Variants in NSD3 observed in about 807,000 individuals in gnomAD.
The protein encoded by NSD3 is histone-lysine N-methyltransferase NSD3.
NSD3 carries 24 observed loss-of-function variants against 160.8 expected under a neutral mutation model. The observed-to-expected ratio is 0.15, with a 90% CI of 0.11 to 0.21. The LOEUF (loss-of-function observed/expected upper bound fraction) is 0.21, where lower values mean the gene tolerates loss of function less well. NSD3 is among the 10% of genes least tolerant of loss of function. The pLI, the probability that NSD3 is intolerant of heterozygous loss-of-function variation, is 1.00. For synonymous variants in NSD3, 520 were observed against 600.0 expected (o/e 0.87, Z 1.95); for missense variants, 1,157 against 1,735.9 (o/e 0.67, Z 5.93).
At chr8:38,336,255 GAAGT>G (rs1304216448) in intron 4 of NSD3, 9 of 152,206 alleles carry the variant, frequency 5.9e-5, no homozygotes. Flanking sequence ...TTAACACCCA[GAAGT>G]AAGTTCCAAG....
At position 38,356,147 on chromosome 8, in the gene NSD3, CCA is replaced by C. The variant is rs1484109386; in HGVS notation, c.-44-7934_-44-7933del. Among the ~76,000 whole-genome samples the C allele has an allele frequency of 1.4e-4, 22 of 152,248 alleles. 1 individual carries two copies. Among genetic ancestry groups the C allele is most frequent in the Middle Eastern group, 6.8e-3 (2 of 294 alleles). On this transcript the variant is annotated intron_variant, in intron 1 of 23. Coordinates refer to ENST00000317025, the MANE Select transcript of NSD3 (RefSeq NM_023034.2). ...ATGTACTTTCAAGTAAATGAAATCA[CCA>C]CACAAAAACATTTCTGATAAATTCA... is the stretch of plus-strand genomic sequence containing the variant.
At position 38,318,994 on chromosome 8, in the gene NSD3, A is replaced by G; in HGVS notation, c.1810-54T>C. The G allele has an allele frequency of 2.8e-6, 4 of 1,451,996 alleles. No homozygotes were observed. Among genetic ancestry groups the G allele is most frequent in the Non-Finnish European group, 3.8e-6 (4 of 1,051,558 alleles). The allele number at this position is 1,451,996 out of a possible 1,614,324, so 89.9% of individuals were successfully genotyped here. A position where few individuals can be genotyped will look rare whatever the true frequency, so the allele number is the denominator to read the frequency against. ...CAAAGAATTTTTTTCCCTTTTAATTATTAACAGAGGGAAAAGATACTTTCA... is the reference window on the plus strand; with the variant it reads ...CAAAGAATTTTTTTCCCTTTTAATTGTTAACAGAGGGAAAAGATACTTTCA... On this transcript the variant is annotated intron_variant, in intron 8 of 23. Coordinates refer to ENST00000317025, the MANE Select transcript of NSD3 (RefSeq NM_023034.2). The surrounding 1 kb of genome is among the most constrained non-coding windows in gnomAD (Gnocchi z 5.3).
chr8:38,380,806 C>T (rs1044326053), intron 1 of NSD3: 1 of 152,190 alleles, frequency 6.6e-6, no homozygotes, highest in Non-Finnish European at 1.5e-5. Flanking sequence ...ATACTGATGT[C>T]GGAGAGGAAA....
intron 1 of NSD3, among the ~76,000 whole-genome samples, chr8:38,365,631 C>A (rs1456652252): frequency 6.6e-6 from 1 of 152,120 alleles, no homozygotes; most frequent in East Asian, 1.9e-4. Flanking sequence ...CGCCATCATG[C>A]CTGGCTAATT....
At chr8:38,301,650 G>C (rs184211247) in intron 14 of NSD3, among the ~76,000 whole-genome samples, 1 of 152,156 alleles carries the variant, frequency 6.6e-6, no homozygotes, top group Non-Finnish European at 1.5e-5. Context: ...GTAGTGTAAA[G>C]GAATATGGGC....
At chr8:38,338,757 C>T (rs1366880922) in intron 2 of NSD3, 150 bp from the exon 3 acceptor site, 2 of 637,698 alleles carry the variant, frequency 3.1e-6, no homozygotes, top group Non-Finnish European at 5.5e-6. Flanking sequence ...AGTAAGAATA[C>T]AACTTACTCA....
chr8:38,337,099 G>A (rs1276860583), intron 4 of NSD3, among the ~76,000 whole-genome samples: 8 of 147,628 alleles, frequency 5.4e-5, no homozygotes, highest in Non-Finnish European at 1.2e-4. Flanking sequence ...CTGAGATTGC[G>A]CCATTGCACT....
At chr8:38,291,019 A>G (rs1030364491) in intron 16 of NSD3, among the ~76,000 whole-genome samples, 2 of 152,094 alleles carry the variant, frequency 1.3e-5, no homozygotes, top group African/African-American at 4.8e-5. Context: ...TTTCCCCCCA[A>G]ACTTAATACT....
intron 1 of NSD3, among the ~76,000 whole-genome samples, chr8:38,376,398 C>A (rs1334828325): frequency 6.6e-6 from 1 of 152,064 alleles, no homozygotes; most frequent in Non-Finnish European, 1.5e-5. Flanking sequence ...AAGTTTGCCC[C>A]CTCACCTTGA....
intron 16 of NSD3, among the ~76,000 whole-genome samples, chr8:38,294,919 G>A (rs376988392): frequency 5.0e-4 from 75 of 151,260 alleles, no homozygotes; most frequent in Middle Eastern, 3.4e-3. Context: ...CAAGGCAGGC[G>A]GATCACAAGG....
intron 1 of NSD3, among the ~76,000 whole-genome samples, chr8:38,350,031 C>G (rs1810646511): frequency 6.6e-6 from 1 of 152,118 alleles, no homozygotes; most frequent in Admixed American, 6.6e-5. Context: ...TTTTTTATGG[C>G]TGCATAGTAT....
chr8:38,352,896 GA>G (rs1554528451), intron 1 of NSD3, among the ~76,000 whole-genome samples: 5 of 152,160 alleles, frequency 3.3e-5, no homozygotes, highest in Non-Finnish European at 7.3e-5. Context: ...TCTGGGAAAA[GA>G]ATTCTTTTGT....
At position 38,355,473 on chromosome 8, in the gene NSD3, A is replaced by AT. The variant is rs201327919; in HGVS notation, c.-44-7259dup. 6.6e-3 allele frequency among the ~76,000 whole-genome samples: 1,012 copies of AT among 152,298 alleles called. 9 individuals carry two copies. The highest frequency in any genetic ancestry group is 0.054 in the Middle Eastern group (16 of 294). ...AATCTCTTTAGCAAGATAATGTAAG[A>AT]TTTTGTGAGTAAGACACATAAAATA... On this transcript the variant is annotated intron_variant, in intron 1 of 23. Transcript: ENST00000317025.
intron 19 of NSD3, among the ~76,000 whole-genome samples, chr8:38,286,580 T>C (rs1808863446): frequency 6.6e-6 from 1 of 152,218 alleles, no homozygotes; most frequent in Non-Finnish European, 1.5e-5. Context: ...GTGGTAACAT[T>C]TGTGTGTGGC....
Position 38,299,484 on chromosome 8 carries a change from C to G in NSD3, c.2718G>C (p.Met906Ile). Residue 906 changes from methionine (M) to isoleucine (I), a missense_variant, in exon 15 of 24, where the codon ATG (methionine) becomes ATC (isoleucine). This residue lies in a region of NSD3 where 437 missense variants were observed against 576.6 expected (regional missense o/e 0.76). Transcript: ENST00000317025. ...TTTTGGAAGCTGACGAAGAAGGAAT[C>G]ATAGGTAATTTCATCAACTCAGCAC... ...SNRAELMKLP[M>I]IPSSSASKKK... 1 of 1,613,746 alleles carries G rather than the reference C, an allele frequency of 6.2e-7. No homozygotes were observed. The highest frequency in any genetic ancestry group is 1.1e-5 in the South Asian group (1 of 90,960).
At position 38,288,015 on chromosome 8, in the gene NSD3, C is replaced by T. The variant is rs1808907293; in HGVS notation, c.3501+472G>A. On this transcript the variant is annotated intron_variant, in intron 19 of 23. Coordinates refer to ENST00000317025, the MANE Select transcript of NSD3 (RefSeq NM_023034.2). The surrounding 1 kb of genome is among the most constrained non-coding windows in gnomAD (Gnocchi z 4.5). ...GTGGGAGGCCAAGGCAGGAGAATTGCTTGAGTCCAGGAGTTTGAGACCAGC... is the reference window on the plus strand; with the variant it reads ...GTGGGAGGCCAAGGCAGGAGAATTGTTTGAGTCCAGGAGTTTGAGACCAGC... Among the ~76,000 whole-genome samples the T allele has an allele frequency of 6.6e-6, 1 of 151,914 alleles. No individual in the cohort carries two copies. Among genetic ancestry groups the T allele is most frequent in the Admixed American group, 6.6e-5 (1 of 15,236 alleles).
intron 1 of NSD3, among the ~76,000 whole-genome samples, chr8:38,372,414 C>T (rs533551938): frequency 6.6e-6 from 1 of 151,982 alleles, no homozygotes; most frequent in Non-Finnish European, 1.5e-5. Flanking sequence ...GTTCAGAGAC[C>T]CCTTCTGGCA....
chr8:38,345,825 C>T (rs1446133140), intron 2 of NSD3, among the ~76,000 whole-genome samples: 1 of 151,930 alleles, frequency 6.6e-6, no homozygotes, highest in Non-Finnish European at 1.5e-5. Flanking sequence ...AGGAGAATTG[C>T]TTGAACCCTG....
Position 38,270,998 on chromosome 8 carries a change from TG to T in NSD3, c.*4642del, listed in dbSNP as rs1808452231. The T allele has an allele frequency of 6.6e-6, 1 of 152,194 alleles. No homozygotes were observed. Among genetic ancestry groups the T allele is most frequent in the African/African-American group, 2.4e-5 (1 of 41,434 alleles). 9.4% of individuals were successfully genotyped at this position (152,194 alleles called of 1,614,324 possible). ...GTAACGTAAGTGCAATTTTTTGTTT[TG>T]TTTTTTTCCCTACATAGACATAGTA... On this transcript the variant is annotated 3_prime_UTR_variant, in exon 24 of 24. Transcript: ENST00000317025.
Sources: allele counts gnomAD v4.1 joint callset (sites outside exome capture counted in the v4.1 genomes callset), GRCh38; gene constraint gnomAD v4.1.1; regional missense constraint gnomAD v4.1.1; non-coding constraint Gnocchi (gnomAD v3.1); transcripts MANE v1.5; gene names NCBI Gene and HGNC (gene_info 2026-07-23, HGNC 2026-07-21).